The following TAF2 variants were observed in gnomAD, a reference collection of about 807,000 sequenced individuals.
TAF2 encodes the protein TATA-box binding protein associated factor 2.
TAF2 carries 61 observed loss-of-function variants against 138.5 expected under a neutral mutation model. The ratio of observed to expected loss-of-function variants is 0.44; its 90% CI spans 0.36 to 0.54. TAF2 has a LOEUF of 0.54. TAF2 is among the 20% of genes least tolerant of loss of function. TAF2 has a pLI of 0.00. For missense variants in TAF2, 1,090 were observed against 1,427.9 expected, an observed-to-expected ratio of 0.76 and a Z score of 3.81; for synonymous variants, 475 against 469.9, an observed-to-expected ratio of 1.01 and a Z score of -0.14.
At chr8:119,764,223 A>G (rs1821272772) in intron 18 of TAF2, among the ~76,000 whole-genome samples, 1 of 152,212 alleles carries the variant, frequency 6.6e-6, no homozygotes, top group Non-Finnish European at 1.5e-5. Context: ...ATATTAGATC[A>G]TCTATGTTTT....
At chr8:119,740,951 T>C (rs1268585667) in intron 25 of TAF2, among the ~76,000 whole-genome samples, 1 of 152,146 alleles carries the variant, frequency 6.6e-6, no homozygotes, top group East Asian at 1.9e-4. Flanking sequence ...CTAACTGGTA[T>C]ACATTTTTGC....
At chr8:119,758,548 T>C (rs756692926) in intron 20 of TAF2, among the ~76,000 whole-genome samples, 1 of 152,162 alleles carries the variant, frequency 6.6e-6, no homozygotes. Context: ...CTATATTATA[T>C]AGTATAGTCC....
chr8:119,796,957 C>T lies in TAF2; in HGVS notation c.1091+33G>A, dbSNP rs115128981. On this transcript the variant is annotated intron_variant, in intron 8 of 25. Transcript: ENST00000378164. ...AGAAAAGAAAAATAAACTTGATTCT[C>T]TTCTCAGTAGTATGAACTTTCAGGT... 1.7e-3 allele frequency: 2,511 copies of T among 1,436,290 alleles called. 34 individuals carry two copies. In the African/African-American group the frequency reaches 0.031, roughly 18 times the overall value. The allele number at this position is 1,436,290 out of a possible 1,614,324, so 89.0% of individuals were successfully genotyped here.
chr8:119,785,225 ACTT>A lies in TAF2; in HGVS notation c.1832_1834del (p.Glu611del), dbSNP rs1822937876. 6 of 1,612,912 alleles carry A rather than the reference ACTT, an allele frequency of 3.7e-6. No individual in the cohort carries two copies. The highest frequency in any genetic ancestry group is 2.2e-5 in the East Asian group (1 of 44,740). The stretch of plus-strand genomic sequence containing the variant: ...CTCCATTGCAGAAAGATCCATATCA[ACTT>A]CTTCTCCATTCATCAGTGGGATTTT... On this transcript the variant is annotated inframe_deletion, in exon 15 of 26. Coordinates refer to ENST00000378164, the MANE Select transcript of TAF2 (RefSeq NM_003184.4).
chr8:119,816,742 T>C (rs1825503097), intron 3 of TAF2, among the ~76,000 whole-genome samples: 1 of 152,212 alleles, frequency 6.6e-6, no homozygotes, highest in Admixed American at 6.5e-5. Context: ...AATTGGTGTG[T>C]TTTTGTCATG....
At position 119,745,289 on chromosome 8, in the gene TAF2, C is replaced by G. The variant is rs143583541; in HGVS notation, c.3109-896G>C. On this transcript the variant is annotated intron_variant, in intron 23 of 25. Transcript: ENST00000378164. ...TTTGATGCCATTTTCTCCTCTTAGC[C>G]TGCAGTGTGAATGTGGATAAATTAA... 3.1e-3 allele frequency among the ~76,000 whole-genome samples: 474 copies of G among 152,054 alleles called. 1 individual carries two copies. The highest frequency in any genetic ancestry group is 4.8e-3 in the Non-Finnish European group (323 of 67,988).
chr8:119,806,999 T>C (rs969977765), intron 3 of TAF2, among the ~76,000 whole-genome samples: 5 of 152,216 alleles, frequency 3.3e-5, no homozygotes, highest in African/African-American at 1.2e-4. Context: ...CCACTATCCT[T>C]TTTTGATACA....
At chr8:119,794,570 C>T (rs143166426) in intron 9 of TAF2, among the ~76,000 whole-genome samples, 1 of 152,274 alleles carries the variant, frequency 6.6e-6, no homozygotes, top group African/African-American at 2.4e-5. Context: ...ATACTTTGAC[C>T]AAATAATTTA....
intron 18 of TAF2, among the ~76,000 whole-genome samples, chr8:119,763,789 A>G (rs901812748): frequency 1.3e-5 from 2 of 151,880 alleles, no homozygotes; most frequent in Admixed American, 6.6e-5. Flanking sequence ...GCAAGACTCC[A>G]TCTCAAGTGA....
intron 7 of TAF2, among the ~76,000 whole-genome samples, chr8:119,797,322 A>G (rs1823897932): frequency 6.6e-6 from 1 of 152,142 alleles, no homozygotes; most frequent in Non-Finnish European, 1.5e-5. Context: ...AATTTCTGAC[A>G]ATATCAGTAC....
At chr8:119,788,506 CT>C in intron 13 of TAF2, 59 bp from the exon 14 acceptor site, 1 of 1,262,332 alleles carries the variant, frequency 7.9e-7, no homozygotes, top group Non-Finnish European at 1.1e-6. Flanking sequence ...AATATGTATG[CT>C]TATGTGTACA....
intron 18 of TAF2, among the ~76,000 whole-genome samples, chr8:119,774,062 T>G (rs1003362249): frequency 6.6e-6 from 1 of 151,182 alleles, no homozygotes; most frequent in East Asian, 1.9e-4. Context: ...TCCCAGCTAC[T>G]CGGGAGGCTG....
Position 119,801,957 on chromosome 8 carries a change from G to C in TAF2, c.629C>G (p.Ala210Gly). 1 of 1,614,118 alleles carries C rather than the reference G, an allele frequency of 6.2e-7. No individual in the cohort carries two copies. The highest frequency in any genetic ancestry group is 8.5e-7 in the Non-Finnish European group (1 of 1,180,022). Residue 210 changes from alanine (A) to glycine (G), a missense_variant, in exon 6 of 26, where the codon GCT (alanine) becomes GGT (glycine). Coordinates refer to ENST00000378164, the MANE Select transcript of TAF2 (RefSeq NM_003184.4). ...CTWKLEFTVDAAMVAVSNGDL... is the reference protein window; with the variant it reads ...CTWKLEFTVDGAMVAVSNGDL... ...GCCATTAGAAACAGCAACCATTGCA[G>C]CATCTACTGTAAATTCTAATTTCCA...
intron 22 of TAF2, among the ~76,000 whole-genome samples, chr8:119,753,858 G>A (rs1461214914): frequency 3.9e-5 from 6 of 152,062 alleles, no homozygotes; most frequent in Non-Finnish European, 5.9e-5. Context: ...TGGTTAAAAA[G>A]GTATTCAATA....
rs1166191052 is a variant in TAF2, at chr8:119,731,760, G to A, written c.*164C>T. ...ACATTTTCCTAATTAGATCCCAACTGTATAAATAACATAAATCAAATGCTT... is the reference window on the plus strand; with the variant it reads ...ACATTTTCCTAATTAGATCCCAACTATATAAATAACATAAATCAAATGCTT... On this transcript the variant is annotated 3_prime_UTR_variant, in exon 26 of 26. Transcript: ENST00000378164. 7.0e-6 allele frequency: 5 copies of A among 716,610 alleles called. No homozygotes were observed. Among genetic ancestry groups the A allele is most frequent in the Admixed American group, 4.9e-5 (2 of 40,590 alleles). The allele number at this position is 716,610 out of a possible 1,614,324, so 44.4% of individuals were successfully genotyped here.
chr8:119,760,711 C>G lies in TAF2; in HGVS notation c.2586G>C (p.Gln862His), dbSNP rs149454623. The G allele has an allele frequency of 2.5e-6, 4 of 1,613,930 alleles. No homozygotes were observed. The highest frequency in any genetic ancestry group is 3.4e-6 in the Non-Finnish European group (4 of 1,179,942). ...GATCACTTGGCACATGTCCGTTCTT[C>G]TGAAGTACCCGTATGGCTCTCAAAC... ...VSCLRAIRVL[Q>H]KNGHVPSDPA... The change falls in exon 20 of 26, where the codon CAG (glutamine) becomes CAC (histidine). Residue 862 changes from glutamine to histidine, a missense_variant. By Grantham distance (24) the Gln-to-His change is conservative. Around this residue, in one of 3 missense-constraint regions of TAF2, gnomAD observed 580 missense variants for 719.6 expected, o/e 0.81. Coordinates refer to ENST00000378164, the MANE Select transcript of TAF2 (RefSeq NM_003184.4).
intron 4 of TAF2, 94 bp from the exon 5 acceptor site, chr8:119,804,113 T>C: frequency 1.4e-6 from 2 of 1,445,158 alleles, no homozygotes; most frequent in Admixed American, 1.7e-5. Context: ...GAAATGGAAT[T>C]GAGGACTGAG....
chr8:119,769,219 T>C (rs1398391168), intron 18 of TAF2, among the ~76,000 whole-genome samples: 1 of 152,010 alleles, frequency 6.6e-6, no homozygotes, highest in Admixed American at 6.6e-5. Context: ...ACACAAACCC[T>C]AATAACAGAA....
At chr8:119,736,657 C>A (rs576508807) in intron 25 of TAF2, among the ~76,000 whole-genome samples, 1 of 152,212 alleles carries the variant, frequency 6.6e-6, no homozygotes, top group African/African-American at 2.4e-5. Flanking sequence ...TAGAAGTAAT[C>A]CAGCTTACAA....
Sources: allele counts gnomAD v4.1 joint callset (sites outside exome capture counted in the v4.1 genomes callset), GRCh38; gene constraint gnomAD v4.1.1; regional missense constraint gnomAD v4.1.1; transcripts MANE v1.5; gene names NCBI Gene and HGNC (gene_info 2026-07-23, HGNC 2026-07-21).